Variants in TPRG1 observed in about 807,000 individuals in gnomAD.
TPRG1 encodes tumor protein p63-regulated gene 1 protein.
Under a neutral mutation model 29.3 loss-of-function variants are expected in TPRG1, and 29 were observed. The ratio of observed to expected loss-of-function variants is 0.99; its 90% CI spans 0.74 to 1.35. The LOEUF (loss-of-function observed/expected upper bound fraction) is 1.35. Among genes scored for constraint, TPRG1 ranks in the 40% most tolerant of loss-of-function variants. The probability of loss-of-function intolerance (pLI) is 0.00; values close to 1 mark genes in which losing one functional copy is unlikely to be tolerated. For synonymous variants in TPRG1, 130 were observed against 116.8 expected, an observed-to-expected ratio of 1.11 and a Z score of -0.73; for missense variants, 327 against 335.0, an observed-to-expected ratio of 0.98 and a Z score of 0.19.
chr3:189,300,438 C>A (rs1383898063), intron 4 of TPRG1, among the ~76,000 whole-genome samples: 1 of 152,112 alleles, frequency 6.6e-6, no homozygotes, highest in African/African-American at 2.4e-5. Context: ...ATGCTCATTA[C>A]AGAAAGTAAG....
At chr3:189,258,751 G>A (rs556113686) in intron 4 of TPRG1, among the ~76,000 whole-genome samples, 29 of 152,248 alleles carry the variant, frequency 1.9e-4, no homozygotes, top group African/African-American at 5.8e-4. Context: ...GTTTTGCGGC[G>A]CTGCAGTGGG....
chr3:189,268,115 G>A (rs1714435197), intron 4 of TPRG1, among the ~76,000 whole-genome samples: 1 of 152,202 alleles, frequency 6.6e-6, no homozygotes, highest in African/African-American at 2.4e-5. Flanking sequence ...TGGAGCTTAT[G>A]GACTTACCAT....
chr3:189,190,485 G>A (rs1027806452), intron 1 of TPRG1, among the ~76,000 whole-genome samples: 1 of 152,050 alleles, frequency 6.6e-6, no homozygotes, highest in African/African-American at 2.4e-5. Flanking sequence ...TAGATAAAAG[G>A]TTTCCCTCAA....
At chr3:189,135,954 C>T (rs1276736914) in intron 3 of TPRG1, among the ~76,000 whole-genome samples, 1 of 152,202 alleles carries the variant, frequency 6.6e-6, no homozygotes, top group Non-Finnish European at 1.5e-5. Flanking sequence ...AGTCCCAGTA[C>T]ATTGGCATAA....
chr3:189,157,931 A>G (rs1203299132), intron 5 of TPRG1, among the ~76,000 whole-genome samples: 2 of 152,220 alleles, frequency 1.3e-5, no homozygotes, highest in Non-Finnish European at 2.9e-5. Context: ...TGTATGTTGT[A>G]GAGACTAACG....
chr3:189,125,985 T>C (rs1442798201), intron 1 of TPRG1, among the ~76,000 whole-genome samples: 2 of 152,076 alleles, frequency 1.3e-5, no homozygotes, highest in Non-Finnish European at 2.9e-5. Context: ...TCAGATTAAC[T>C]TTTCTGACAA....
intron 1 of TPRG1, among the ~76,000 whole-genome samples, chr3:189,206,325 T>C (rs1156701694): frequency 2.0e-5 from 3 of 151,930 alleles, no homozygotes; most frequent in Admixed American, 6.6e-5. Context: ...TTTTATTTAG[T>C]CAACTTCTTA....
At chr3:189,202,275 G>T (rs1578797113) in intron 1 of TPRG1, among the ~76,000 whole-genome samples, 1 of 152,138 alleles carries the variant, frequency 6.6e-6, no homozygotes, top group Admixed American at 6.5e-5. Context: ...CAGAATCCTC[G>T]ATGATGAAGA....
intron 4 of TPRG1, among the ~76,000 whole-genome samples, chr3:189,242,677 A>AT (rs1237469295): frequency 1.1e-3 from 169 of 152,098 alleles, no homozygotes; most frequent in African/African-American, 2.6e-3. Flanking sequence ...TTTTTAAAAG[A>AT]TTTTTTATAT....
rs930540872 is a variant in TPRG1 at position 189,323,818 on chromosome 3, G to T, written c.*2998G>T. ...AGCATTTCATAACCAAAATGTCATG[G>T]TTGGAGGTCTTCATTATTCGGTCTT... On this transcript the variant is annotated 3_prime_UTR_variant, in exon 6 of 6. Transcript: ENST00000345063. 5 of 152,128 alleles carry T rather than the reference G, an allele frequency of 3.3e-5. No homozygotes were observed. Among genetic ancestry groups the T allele is most frequent in the Non-Finnish European group, 7.4e-5 (5 of 68,012 alleles). The allele number at this position is 152,128 out of a possible 1,614,324, so 9.4% of individuals were successfully genotyped here. A position where few individuals can be genotyped will look rare whatever the true frequency, so the allele number is the denominator to read the frequency against.
intron 4 of TPRG1, among the ~76,000 whole-genome samples, chr3:189,071,005 C>G (rs1161275193): frequency 6.7e-6 from 1 of 149,510 alleles, no homozygotes; most frequent in Non-Finnish European, 1.5e-5. Flanking sequence ...GATGAAACTT[C>G]TGGCTTTGTT....
At chr3:189,060,219 C>T (rs761042209) in intron 4 of TPRG1, among the ~76,000 whole-genome samples, 16 of 152,076 alleles carry the variant, frequency 1.1e-4, no homozygotes, top group South Asian at 8.3e-4. Flanking sequence ...GCAACAAGAG[C>T]GAAAATCCGT....
chr3:189,119,772 C>T (rs914040185), intron 1 of TPRG1, among the ~76,000 whole-genome samples: 7 of 152,176 alleles, frequency 4.6e-5, no homozygotes, highest in East Asian at 1.9e-4. Context: ...TGAGGCCTCC[C>T]CAGCCATGCT....
chr3:189,132,574 G>A (rs899031826), exon 3 of TPRG1: 2 of 152,190 alleles, frequency 1.3e-5, no homozygotes, highest in Admixed American at 1.3e-4. Flanking sequence ...AAAAACAAGC[G>A]TGGCTTCTGT....
chr3:189,310,497 T>G lies in TPRG1; in HGVS notation c.591T>G (p.His197Gln). Residue 197 changes from histidine (H) to glutamine (Q), a missense_variant, in exon 5 of 6, where the codon CAT becomes CAG. Coordinates refer to ENST00000345063, the MANE Select transcript of TPRG1 (RefSeq NM_198485.4). Reference protein sequence around the residue: ...TEVPYATFTEHPMKYTSEKFL... With the variant: ...TEVPYATFTEQPMKYTSEKFL... ...TTCCTTATGCTACTTTCACTGAGCA[T>G]CCTATGAAATACACCAGTGAGAAAT... 2 of 1,612,244 alleles carry G rather than the reference T, an allele frequency of 1.2e-6. No homozygotes were observed. Among genetic ancestry groups the G allele is most frequent in the Non-Finnish European group, 1.7e-6 (2 of 1,179,432 alleles).
chr3:189,035,973 A>G (rs1463352596), intron 4 of TPRG1, among the ~76,000 whole-genome samples: 1 of 152,194 alleles, frequency 6.6e-6, no homozygotes, highest in Admixed American at 6.5e-5. Flanking sequence ...ATGCACTTGT[A>G]TGTTCATTGA....
intron 4 of TPRG1, among the ~76,000 whole-genome samples, chr3:189,257,229 G>C (rs558144148): frequency 6.6e-6 from 1 of 152,280 alleles, no homozygotes; most frequent in South Asian, 2.1e-4. Context: ...GCATTTGCTT[G>C]TCTGTAAAGG....
chr3:189,309,468 A>T (rs1425222992), intron 4 of TPRG1, among the ~76,000 whole-genome samples: 1 of 152,194 alleles, frequency 6.6e-6, no homozygotes, highest in Admixed American at 6.6e-5. Context: ...GTTTAGAATT[A>T]CAGGCAACTT....
At chr3:189,200,816 A>T (rs1010417857) in intron 1 of TPRG1, among the ~76,000 whole-genome samples, 2 of 152,194 alleles carry the variant, frequency 1.3e-5, no homozygotes, top group Non-Finnish European at 2.9e-5. Flanking sequence ...TAAAAGGTGG[A>T]TGCTACAGTT....
Sources: allele counts gnomAD v4.1 joint callset (sites outside exome capture counted in the v4.1 genomes callset), GRCh38; gene constraint gnomAD v4.1.1; transcripts MANE v1.5; gene names NCBI Gene and HGNC (gene_info 2026-07-23, HGNC 2026-07-21).